The following EFNA5 variants were observed in gnomAD, a reference collection of about 807,000 sequenced individuals.
The protein encoded by EFNA5 is ephrin A5.
EFNA5 carries 5 observed loss-of-function variants against 22.9 expected under a neutral mutation model. The ratio of observed to expected loss-of-function variants is 0.22; its 90% CI spans 0.11 to 0.46. The LOEUF is 0.46. Among genes scored for constraint, EFNA5 ranks in the 20% least tolerant of loss-of-function variants. The probability of loss-of-function intolerance (pLI) is 0.99; values close to 1 mark genes in which losing one functional copy is unlikely to be tolerated. For missense variants in EFNA5, 237 were observed against 293.3 expected, an observed-to-expected ratio of 0.81 and a Z score of 1.40; for synonymous variants, 113 against 112.2, an observed-to-expected ratio of 1.01 and a Z score of -0.04.
chr5:107,431,963 G>A (rs1748975084), intron 1 of EFNA5, among the ~76,000 whole-genome samples: 1 of 152,194 alleles, frequency 6.6e-6, no homozygotes, highest in South Asian at 2.1e-4. Flanking sequence ...AGTCTTACAT[G>A]GTTCTGAAGC....
At chr5:107,381,680 C>G (rs560808461) in intron 4 of EFNA5, among the ~76,000 whole-genome samples, 15 of 151,832 alleles carry the variant, frequency 9.9e-5, no homozygotes, top group African/African-American at 2.9e-4. Flanking sequence ...ACACGCCTTG[C>G]ACAAATTTCA....
At chr5:107,477,381 T>C (rs1580478463) in intron 1 of EFNA5, among the ~76,000 whole-genome samples, 1 of 152,342 alleles carries the variant, frequency 6.6e-6, no homozygotes, top group East Asian at 1.9e-4. Context: ...CTTTCTGGAC[T>C]GTTTAAAGGT....
At chr5:107,386,484 C>T (rs1268463634) in intron 4 of EFNA5, among the ~76,000 whole-genome samples, 5 of 152,156 alleles carry the variant, frequency 3.3e-5, no homozygotes, top group Non-Finnish European at 4.4e-5. Flanking sequence ...AATGCCTCAA[C>T]GAGTGCTTTG....
intron 1 of EFNA5, among the ~76,000 whole-genome samples, chr5:107,637,791 T>G (rs1019047563): frequency 2.1e-4 from 31 of 149,466 alleles, no homozygotes; most frequent in Middle Eastern, 3.5e-3. Flanking sequence ...CAGTTTAAAT[T>G]CAAAAGCCCC....
At position 107,521,738 on chromosome 5, in the gene EFNA5, G is replaced by C. The variant is rs1006462171; in HGVS notation, c.126-94229C>G. 4.6e-5 allele frequency among the ~76,000 whole-genome samples: 7 copies of C among 152,246 alleles called. 1 individual carries two copies. The highest frequency in any genetic ancestry group is 1.9e-4 in the East Asian group (1 of 5,178). The stretch of plus-strand genomic sequence containing the variant: ...ATCAAAACCCAATATTCAAAGTATA[G>C]TTTTGACTGAATGTGTGTCCCTTTC... On this transcript the variant is annotated intron_variant, in intron 1 of 4. Coordinates refer to ENST00000333274, the MANE Select transcript of EFNA5 (RefSeq NM_001962.3).
At chr5:107,490,381 T>A (rs912472705) in intron 1 of EFNA5, among the ~76,000 whole-genome samples, 1 of 152,168 alleles carries the variant, frequency 6.6e-6, no homozygotes, top group Non-Finnish European at 1.5e-5. Context: ...CAGGTGCACG[T>A]TACCATGCCC....
At position 107,548,807 on chromosome 5, in the gene EFNA5, T is replaced by TAGGACTAGTA. The variant is rs375411077; in HGVS notation, c.126-121308_126-121299dup. ...TGTTGGCTTTGGTGGATTATGGTGGTAGGACTAGTACTCCACCAAGTTCAA... is the reference window on the plus strand; with the variant it reads ...TGTTGGCTTTGGTGGATTATGGTGGTAGGACTAGTAAGGACTAGTACTCCACCAAGTTCAA... On this transcript the variant is annotated intron_variant, in intron 1 of 4. Transcript: ENST00000333274. Among the ~76,000 whole-genome samples the TAGGACTAGTA allele has an allele frequency of 3.5e-3, 536 of 152,302 alleles. 1 individual carries two copies. Among genetic ancestry groups the TAGGACTAGTA allele is most frequent in the South Asian group, 0.012 (57 of 4,826 alleles).
At chr5:107,632,280 T>C (rs543225783) in intron 1 of EFNA5, among the ~76,000 whole-genome samples, 45 of 152,296 alleles carry the variant, frequency 3.0e-4, no homozygotes, top group African/African-American at 1.1e-3. Context: ...TTTTCCAGTC[T>C]TTTTTCCTCT....
chr5:107,387,396 TCC>T, intron 3 of EFNA5, 81 bp from the exon 4 acceptor site: 1 of 948,192 alleles, frequency 1.1e-6, no homozygotes, highest in Non-Finnish European at 1.6e-6. Context: ...TTTCTTTCTC[TCC>T]TTTTTTTCTT....
intron 1 of EFNA5, among the ~76,000 whole-genome samples, chr5:107,629,207 AAGTT>A (rs1219202054): frequency 6.6e-6 from 1 of 152,210 alleles, no homozygotes; most frequent in African/African-American, 2.4e-5. Context: ...ACCCAATTTA[AAGTT>A]AGTTATTTAA....
chr5:107,531,678 C>T (rs1217501503), intron 1 of EFNA5, among the ~76,000 whole-genome samples: 1 of 152,168 alleles, frequency 6.6e-6, no homozygotes, highest in African/African-American at 2.4e-5. Flanking sequence ...GTGTTTTATT[C>T]CCCAACCTTA....
chr5:107,613,374 T>C (rs986493616), intron 1 of EFNA5, among the ~76,000 whole-genome samples: 5 of 152,066 alleles, frequency 3.3e-5, no homozygotes, highest in African/African-American at 7.2e-5. Context: ...ATATGGCCAA[T>C]GTAATTACTA....
At chr5:107,449,009 C>T (rs1205927832) in intron 1 of EFNA5, among the ~76,000 whole-genome samples, 1 of 151,708 alleles carries the variant, frequency 6.6e-6, no homozygotes, top group African/African-American at 2.4e-5. Flanking sequence ...AGGTTAAAGA[C>T]CTGGGTTTAA....
intron 1 of EFNA5, among the ~76,000 whole-genome samples, chr5:107,621,751 T>C (rs1750044738): frequency 6.6e-6 from 1 of 152,034 alleles, no homozygotes; most frequent in Non-Finnish European, 1.5e-5. Context: ...TATTAAATAA[T>C]AATGGATAAA....
At chr5:107,566,159 C>A (rs781621958) in intron 1 of EFNA5, among the ~76,000 whole-genome samples, 1 of 152,162 alleles carries the variant, frequency 6.6e-6, no homozygotes, top group Non-Finnish European at 1.5e-5. Flanking sequence ...CTCCTGCCCC[C>A]CTCTAAGTGA....
chr5:107,638,679 A>G (rs2112542187), intron 1 of EFNA5, among the ~76,000 whole-genome samples: 1 of 152,332 alleles, frequency 6.6e-6, no homozygotes. Flanking sequence ...ACATGATACC[A>G]TTTCAATTTT....
intron 1 of EFNA5, among the ~76,000 whole-genome samples, chr5:107,625,238 T>A (rs896308492): frequency 8.5e-5 from 13 of 152,170 alleles, no homozygotes; most frequent in African/African-American, 3.1e-4. Context: ...TTTCATTGGC[T>A]GTTTTGACAT....
intron 1 of EFNA5, among the ~76,000 whole-genome samples, chr5:107,532,234 G>C (rs1747828529): frequency 6.6e-6 from 1 of 152,234 alleles, no homozygotes; most frequent in Non-Finnish European, 1.5e-5. Flanking sequence ...CGCTGCATGA[G>C]ACAATTATTA....
intron 1 of EFNA5, among the ~76,000 whole-genome samples, chr5:107,635,874 A>G (rs148034347): frequency 1.3e-5 from 2 of 152,216 alleles, no homozygotes; most frequent in African/African-American, 4.8e-5. Flanking sequence ...CAACAAGGTC[A>G]TGCTAGTTCA....
Sources: gnomAD v4.1 joint callset for allele counts (sites outside exome capture counted in the v4.1 genomes callset) on GRCh38, gnomAD v4.1.1 for gene constraint, MANE v1.5 for transcripts, NCBI Gene and HGNC (gene_info 2026-07-23, HGNC 2026-07-21) for gene names.